The following CEP112 variants were observed in gnomAD, a reference collection of about 807,000 sequenced individuals.
CEP112 encodes centrosomal protein of 112 kDa.
A neutral mutation model predicts 153.0 loss-of-function variants in CEP112; 127 were observed. The ratio of observed to expected loss-of-function variants is 0.83; its 90% CI spans 0.72 to 0.96. The LOEUF (loss-of-function observed/expected upper bound fraction) is 0.96, where lower values mean the gene tolerates loss of function less well. Among genes scored for constraint, CEP112 ranks in the 40% least tolerant of loss-of-function variants. CEP112 has a pLI of 0.00. For synonymous variants in CEP112, 358 were observed against 374.4 expected (o/e 0.96, Z 0.51); for missense variants, 1,089 against 1,101.2 (o/e 0.99, Z 0.16).
At chr17:66,154,341 C>T (rs150220577) in intron 4 of CEP112, among the ~76,000 whole-genome samples, 1 of 151,684 alleles carries the variant, frequency 6.6e-6, no homozygotes, top group East Asian at 2.0e-4. Context: ...ATGGTGAAAC[C>T]CCGTCTCTAC....
chr17:66,082,316 G>A (rs1187687892), intron 8 of CEP112, among the ~76,000 whole-genome samples: 1 of 152,204 alleles, frequency 6.6e-6, no homozygotes, highest in African/African-American at 2.4e-5. Flanking sequence ...CAGAGAAAAT[G>A]TGTTAGCAAT....
chr17:66,104,502 G>GT (rs765871795), intron 6 of CEP112, among the ~76,000 whole-genome samples: 4 of 152,308 alleles, frequency 2.6e-5, no homozygotes, highest in Admixed American at 1.3e-4. Context: ...TGGGCCTGGG[G>GT]TAAGACTTAG....
intron 13 of CEP112, 85 bp from the exon 14 acceptor site, chr17:66,029,337 A>G (rs1451920787): frequency 9.0e-7 from 1 of 1,111,604 alleles, no homozygotes; most frequent in African/African-American, 1.6e-5. Context: ...AAATCCAAAT[A>G]CATTTCCATT....
chr17:65,853,072 T>C (rs1178781398), intron 20 of CEP112, among the ~76,000 whole-genome samples: 1 of 152,204 alleles, frequency 6.6e-6, no homozygotes, highest in African/African-American at 2.4e-5. Context: ...CATATTAGTT[T>C]CCCAGGGTTG....
At chr17:66,063,799 CAT>C (rs1491137111) in intron 10 of CEP112, among the ~76,000 whole-genome samples, 10 of 152,092 alleles carry the variant, frequency 6.6e-5, no homozygotes. Context: ...TGGTTCTGGC[CAT>C]ATCTCTTCCC....
At chr17:65,962,754 T>TTA (rs1344754186) in intron 17 of CEP112, among the ~76,000 whole-genome samples, 13 of 152,068 alleles carry the variant, frequency 8.5e-5, no homozygotes, top group Non-Finnish European at 1.5e-4. Flanking sequence ...TCTGATGGTT[T>TTA]TAACAAGAGG....
At chr17:65,803,052 A>G (rs1294085344) in intron 21 of CEP112, among the ~76,000 whole-genome samples, 1 of 152,252 alleles carries the variant, frequency 6.6e-6, no homozygotes, top group East Asian at 1.9e-4. Context: ...TGAGCCATGG[A>G]GTACTGAGCT....
At chr17:66,178,440 GCTC>G (rs146494966) in intron 2 of CEP112, among the ~76,000 whole-genome samples, 5,190 of 152,100 alleles carry the variant, frequency 0.034, 131 homozygotes, top group Middle Eastern at 0.061. Flanking sequence ...AGTTGTTTGA[GCTC>G]CTTATATATT....
chr17:65,944,016 G>A (rs2061578550), intron 18 of CEP112, among the ~76,000 whole-genome samples: 1 of 152,134 alleles, frequency 6.6e-6, no homozygotes, highest in Admixed American at 6.5e-5. Context: ...GCATTGTGAA[G>A]TTCTATGCAG....
intron 20 of CEP112, chr17:65,873,428 C>T (rs2058727364): frequency 6.6e-6 from 1 of 152,156 alleles, no homozygotes; most frequent in South Asian, 2.1e-4. Flanking sequence ...CTTCATTAAC[C>T]TCAAGCTGAC....
intron 16 of CEP112, among the ~76,000 whole-genome samples, chr17:66,026,138 G>A (rs1327944686): frequency 6.6e-6 from 1 of 151,918 alleles, no homozygotes; most frequent in African/African-American, 2.4e-5. Context: ...TGGAAGGGTG[G>A]GAGGTTAGGA....
rs147420001 is a variant in CEP112 at position 65,712,906 on chromosome 17, C to A, written c.2608-23688G>T. ...AACTATAATGAGGCTTGCATTCATGCCAAAAATCACCTTCGCCAAGCAAAA... is the reference window on the plus strand; with the variant it reads ...AACTATAATGAGGCTTGCATTCATGACAAAAATCACCTTCGCCAAGCAAAA... On this transcript the variant is annotated intron_variant, in intron 23 of 26. Transcript: ENST00000535342. Among the ~76,000 whole-genome samples, 694 of 152,096 alleles carry A rather than the reference C, an allele frequency of 4.6e-3. 4 individuals carry two copies. Among genetic ancestry groups the A allele is most frequent in the Non-Finnish European group, 8.2e-3 (554 of 67,938 alleles).
chr17:66,019,899 A>C (rs1186798328), intron 16 of CEP112, among the ~76,000 whole-genome samples: 1 of 152,228 alleles, frequency 6.6e-6, no homozygotes, highest in African/African-American at 2.4e-5. Flanking sequence ...CAGAAACCTT[A>C]GTTTACTTCG....
chr17:65,935,117 G>T (rs1288707562), intron 18 of CEP112, among the ~76,000 whole-genome samples: 1 of 152,104 alleles, frequency 6.6e-6, no homozygotes, highest in African/African-American at 2.4e-5. Context: ...ATTTGGATGG[G>T]GACACAGAGC....
At chr17:65,845,057 C>T (rs1482537824) in intron 21 of CEP112, among the ~76,000 whole-genome samples, 4 of 152,144 alleles carry the variant, frequency 2.6e-5, no homozygotes, top group Admixed American at 6.5e-5. Flanking sequence ...AGGTGGCTCA[C>T]GCCTGTCCTC....
intron 23 of CEP112, among the ~76,000 whole-genome samples, chr17:65,731,164 C>G (rs986311105): frequency 6.6e-6 from 1 of 152,088 alleles, no homozygotes; most frequent in African/African-American, 2.4e-5. Flanking sequence ...CTTTTGTGGG[C>G]ATTGCCCCTG....
chr17:65,673,757 ATCT>A (rs941289922), intron 24 of CEP112, among the ~76,000 whole-genome samples: 3 of 152,262 alleles, frequency 2.0e-5, no homozygotes, highest in African/African-American at 7.2e-5. Context: ...ATAGAAGGTA[ATCT>A]TCTCAAAAAA....
intron 1 of CEP112, among the ~76,000 whole-genome samples, chr17:66,185,357 G>C (rs1598519692): frequency 6.6e-6 from 1 of 152,060 alleles, no homozygotes; most frequent in East Asian, 1.9e-4. Context: ...TGAGTAGCTG[G>C]GATTACAGGC....
At chr17:65,701,325 A>C (rs1367502214) in intron 23 of CEP112, among the ~76,000 whole-genome samples, 1 of 152,188 alleles carries the variant, frequency 6.6e-6, no homozygotes, top group African/African-American at 2.4e-5. Context: ...ATTAACTAAG[A>C]CAGAGAACAC....
Sources: gnomAD v4.1 joint callset for allele counts (sites outside exome capture counted in the v4.1 genomes callset) on GRCh38, gnomAD v4.1.1 for gene constraint, MANE v1.5 for transcripts, NCBI Gene and HGNC (gene_info 2026-07-23, HGNC 2026-07-21) for gene names.